AMZ2: variants seen among roughly 807,000 people sequenced by gnomAD.
AMZ2 encodes archaelysin family metallopeptidase 2, also known as archaemetzincin-2.
In AMZ2, 26 loss-of-function variants were observed where a neutral mutation model predicts 36.7. That is an observed-to-expected ratio of 0.71 (90% CI 0.52 to 0.98). AMZ2 has a LOEUF of 0.98. Among genes scored for constraint, AMZ2 ranks in the 50% least tolerant of loss-of-function variants. AMZ2 has a pLI of 0.00. For synonymous variants in AMZ2, 144 were observed against 149.1 expected (o/e 0.97, Z 0.25); for missense variants, 394 against 430.5 (o/e 0.92, Z 0.75).
Position 68,256,833 on chromosome 17 carries a change from A to G in AMZ2, c.947A>G (p.Asp316Gly). Residue 316 changes from aspartate to glycine, a missense_variant, in exon 7 of 7, where the codon GAT becomes GGT. Asp to Gly is a moderately conservative substitution (Grantham distance 94). Transcript: ENST00000359904. The stretch of plus-strand genomic sequence containing the variant: ...TTCCAGGCACTGGTGAGGTGGATTG[A>G]TGATGAATCTTCTGACACACCTGGA... Reference protein sequence around the residue: ...ERYKALVRWIDDESSDTPGAT... With the variant: ...ERYKALVRWIGDESSDTPGAT... The G allele has an allele frequency of 6.2e-7, 1 of 1,613,356 alleles. No homozygotes were observed. The highest frequency in any genetic ancestry group is 8.5e-7 in the Non-Finnish European group (1 of 1,179,790).
chr17:68,224,308 A>C (rs1190388182), intron 1 of AMZ2, among the ~76,000 whole-genome samples: 1 of 152,170 alleles, frequency 6.6e-6, no homozygotes. Context: ...TTAAGGAATG[A>C]GAGTAGGGTG....
intron 1 of AMZ2, among the ~76,000 whole-genome samples, chr17:68,234,677 G>A (rs2073745559): frequency 6.6e-6 from 1 of 151,960 alleles, no homozygotes; most frequent in Non-Finnish European, 1.5e-5. Context: ...GGCTGAGGCG[G>A]AAGGAATGCT....
At chr17:68,224,753 C>A (rs1367230362) in intron 1 of AMZ2, among the ~76,000 whole-genome samples, 1 of 151,960 alleles carries the variant, frequency 6.6e-6, no homozygotes, top group Non-Finnish European at 1.5e-5. Flanking sequence ...GTTGCCCGGG[C>A]TGAGGGGCAG....
chr17:68,223,406 C>G (rs1360482176), intron 1 of AMZ2, among the ~76,000 whole-genome samples: 1 of 152,192 alleles, frequency 6.6e-6, no homozygotes, highest in East Asian at 1.9e-4. Flanking sequence ...TCTTGCCAGC[C>G]TTACTGTGCT....
At chr17:68,228,082 C>T (rs567779899) in intron 1 of AMZ2, among the ~76,000 whole-genome samples, 2 of 152,040 alleles carry the variant, frequency 1.3e-5, no homozygotes, top group Non-Finnish European at 2.9e-5. Flanking sequence ...GGAGTTGTGC[C>T]CTTGTCTCCT....
At chr17:68,221,694 C>A (rs1555728583) in intron 1 of AMZ2, among the ~76,000 whole-genome samples, 1 of 151,770 alleles carries the variant, frequency 6.6e-6, no homozygotes, top group African/African-American at 2.4e-5. Flanking sequence ...CACCACTGCA[C>A]TCCAGCCTGG....
chr17:68,225,114 C>T (rs1390696347), intron 1 of AMZ2, among the ~76,000 whole-genome samples: 1 of 151,966 alleles, frequency 6.6e-6, no homozygotes, highest in Non-Finnish European at 1.5e-5. Context: ...ATTGCTTGAA[C>T]TTGGGAGGTG....
At chr17:68,255,503 G>A (rs2074831921) in intron 5 of AMZ2, among the ~76,000 whole-genome samples, 197 bp from the exon 6 acceptor site, 1 of 152,224 alleles carries the variant, frequency 6.6e-6, no homozygotes, top group South Asian at 2.1e-4. Context: ...GGTTGAGGAA[G>A]TCTATAGCAA....
rs188732110 is a variant in AMZ2 at position 68,253,180 on chromosome 17, G to A, written c.587-1224G>A. Among the ~76,000 whole-genome samples the A allele has an allele frequency of 3.7e-4, 57 of 152,310 alleles. No individual in the cohort carries two copies. The East Asian group carries it at 0.011, about 29-fold the overall frequency. ...GCTCACACTTGATTGGCCAGAGGGG[G>A]TTACTTGTGATAAAGGAATAGATTT... On this transcript the variant is annotated intron_variant, in intron 4 of 6. Coordinates refer to ENST00000359904, the MANE Select transcript of AMZ2 (RefSeq NM_016627.5).
intron 1 of AMZ2, among the ~76,000 whole-genome samples, chr17:68,230,625 C>T (rs1469892844): frequency 6.6e-6 from 1 of 152,214 alleles, no homozygotes; most frequent in African/African-American, 2.4e-5. Context: ...TGTGTTCTAT[C>T]CCACAGCCCC....
intron 1 of AMZ2, among the ~76,000 whole-genome samples, chr17:68,227,606 G>A (rs36089549): frequency 0.23 from 34,718 of 151,986 alleles, 4,644 homozygotes; most frequent in African/African-American, 0.37. Context: ...TGGCTGCATC[G>A]CTCCAGTCTT....
chr17:68,226,580 G>A (rs1205169609), intron 1 of AMZ2, among the ~76,000 whole-genome samples: 1 of 152,218 alleles, frequency 6.6e-6, no homozygotes, highest in African/African-American at 2.4e-5. Context: ...TTCTGGTCAA[G>A]TGTCCTCCCC....
intron 1 of AMZ2, among the ~76,000 whole-genome samples, chr17:68,208,342 C>T (rs2072909195): frequency 1.3e-5 from 2 of 152,216 alleles, no homozygotes. Context: ...CACCAATCGG[C>T]ACTCTGTATC....
At chr17:68,227,139 A>G (rs1200906071) in intron 1 of AMZ2, among the ~76,000 whole-genome samples, 6 of 152,114 alleles carry the variant, frequency 3.9e-5, no homozygotes, top group African/African-American at 1.4e-4. Context: ...ACAGAGTGGC[A>G]GAATGGTGAA....
chr17:68,230,369 C>T (rs1377337493), intron 1 of AMZ2, among the ~76,000 whole-genome samples: 4 of 152,192 alleles, frequency 2.6e-5, no homozygotes, highest in Admixed American at 6.5e-5. Flanking sequence ...CTTCTGTGTC[C>T]GGCCTCCTGC....
rs2073770173 is a variant in AMZ2 at position 68,235,719 on chromosome 17, G to A, written c.-66-12921G>A. Among the ~76,000 whole-genome samples the A allele has an allele frequency of 1.3e-5, 2 of 152,190 alleles. No individual in the cohort carries two copies. The highest frequency in any genetic ancestry group is 1.3e-4 in the Admixed American group (2 of 15,282). On this transcript the variant is annotated intron_variant, in intron 1 of 7. Transcript: ENST00000674770. This position sits in a 1 kb window ranked among gnomAD's most constrained non-coding sequence, Gnocchi z 4.2. ...GGTGCTATCAGGTGCCAGGAGCAGC[G>A]TGTGCCACGTGTGACCCTGCTCTGC... is the stretch of plus-strand genomic sequence containing the variant.
intron 1 of AMZ2, among the ~76,000 whole-genome samples, chr17:68,217,093 A>C (rs2073218566): frequency 6.6e-6 from 1 of 152,156 alleles, no homozygotes; most frequent in Non-Finnish European, 1.5e-5. Flanking sequence ...GAAAATCTCA[A>C]CTAAGTGGCC....
chr17:68,207,314 C>CCCA (rs1568334658), intron 1 of AMZ2: 2 of 16,184 alleles, frequency 1.2e-4, no homozygotes, highest in South Asian at 3.5e-3. Flanking sequence ...TTGTTAAATA[C>CCCA]CCCCCCCCCA....
upstream of AMZ2, chr17:68,247,822 G>C (rs1442558820): frequency 6.1e-6 from 6 of 985,454 alleles, no homozygotes; most frequent in South Asian, 9.4e-5. Context: ...CGGCGACTGC[G>C]GGGGTGGACA....
Sources: gnomAD v4.1 joint callset for allele counts (sites outside exome capture counted in the v4.1 genomes callset) on GRCh38, gnomAD v4.1.1 for gene constraint, Gnocchi (gnomAD v3.1) non-coding constraint, MANE v1.5 for transcripts, NCBI Gene and HGNC (gene_info 2026-07-23, HGNC 2026-07-21) for gene names.